Variants in COX19 observed in about 807,000 individuals in gnomAD.
COX19 encodes cytochrome c oxidase assembly factor COX19, also known as cytochrome c oxidase assembly protein COX19.
COX19 carries 8 observed loss-of-function variants against 6.8 expected under a neutral mutation model. The ratio of observed to expected loss-of-function variants is 1.18; its 90% CI spans 0.69 to 2.12. COX19 has a LOEUF of 2.12. Among genes scored for constraint, COX19 ranks in the 30% most tolerant of loss-of-function variants. COX19 has a pLI of 0.00. For missense variants in COX19, 131 were observed against 104.6 expected (o/e 1.25, Z -1.10); for synonymous variants, 51 against 38.0 (o/e 1.34, Z -1.26).
At position 969,098 on chromosome 7, in the gene COX19, G is replaced by A; in HGVS notation, c.*280C>T. ...CAACATAAAACCGCCCCATACAAGA[G>A]GGCCCCGGCCTCGAAGACAAGGGTC... On this transcript the variant is annotated 3_prime_UTR_variant, in exon 3 of 3. Coordinates refer to ENST00000344111, the MANE Select transcript of COX19 (RefSeq NM_001031617.3). 2.7e-6 allele frequency: 1 copy of A among 368,136 alleles called. No individual in the cohort carries two copies. The highest frequency in any genetic ancestry group is 4.8e-5 in the East Asian group (1 of 20,620). 22.8% of individuals were successfully genotyped at this position (368,136 alleles called of 1,614,324 possible).
At position 967,077 on chromosome 7, in the gene COX19, A is replaced by G. The variant is rs1490142616; in HGVS notation, c.*2301T>C. 6.6e-6 allele frequency: 1 copy of G among 152,222 alleles called. No individual in the cohort carries two copies. Among genetic ancestry groups the G allele is most frequent in the Non-Finnish European group, 1.5e-5 (1 of 68,030 alleles). 9.4% of individuals were successfully genotyped at this position (152,222 alleles called of 1,614,324 possible). The stretch of plus-strand genomic sequence containing the variant: ...AGGTGGAAACTCCTGACCTATAAGA[A>G]AAACAGCCAGATGCCGAGGTTGCTA... On this transcript the variant is annotated 3_prime_UTR_variant, in exon 3 of 3. Coordinates refer to ENST00000344111, the MANE Select transcript of COX19 (RefSeq NM_001031617.3).
chr7:970,409 C>T (rs1847618814), intron 2 of COX19, among the ~76,000 whole-genome samples: 1 of 149,748 alleles, frequency 6.7e-6, no homozygotes, highest in Non-Finnish European at 1.5e-5. Flanking sequence ...GCTGGGATTA[C>T]ATGCATGAGC....
Position 968,082 on chromosome 7 carries a change from T to G in COX19, c.*1296A>C, listed in dbSNP as rs1324213109. On this transcript the variant is annotated 3_prime_UTR_variant, in exon 3 of 3. Transcript: ENST00000344111. ...CTGACAGAGAGCAGACACGGGACAG[T>G]GACAGCTGCAGCCGAATCAGGTGGT... The G allele has an allele frequency of 6.6e-6, 1 of 152,238 alleles. No individual in the cohort carries two copies. The highest frequency in any genetic ancestry group is 2.4e-5 in the African/African-American group (1 of 41,436). The allele number at this position is 152,238 out of a possible 1,614,324, so 9.4% of individuals were successfully genotyped here. A position where few individuals can be genotyped will look rare whatever the true frequency, so the allele number is the denominator to read the frequency against.
At position 965,830 on chromosome 7, in the gene COX19, G is replaced by T. The variant is rs942964758; in HGVS notation, c.*3548C>A. The stretch of plus-strand genomic sequence containing the variant: ...ATTTTTGTATTTTTAGTAGAGACAG[G>T]GTTTCTCCATGTTGGCCAGGCTGGC... On this transcript the variant is annotated 3_prime_UTR_variant, in exon 3 of 3. Coordinates refer to ENST00000344111, the MANE Select transcript of COX19 (RefSeq NM_001031617.3). Among the ~76,000 whole-genome samples the T allele has an allele frequency of 6.6e-6, 1 of 152,216 alleles. No homozygotes were observed. Among genetic ancestry groups the T allele is most frequent in the Non-Finnish European group, 1.5e-5 (1 of 68,048 alleles).
chr7:970,109 T>C (rs780926643), intron 2 of COX19, among the ~76,000 whole-genome samples: 1 of 152,116 alleles, frequency 6.6e-6, no homozygotes, highest in Non-Finnish European at 1.5e-5. Flanking sequence ...TAGCTGAGAC[T>C]GCAGGTGTAT....
Position 966,390 on chromosome 7 carries a change from G to T in COX19, c.*2988C>A, listed in dbSNP as rs544084265. On this transcript the variant is annotated 3_prime_UTR_variant, in exon 3 of 3. Coordinates refer to ENST00000344111, the MANE Select transcript of COX19 (RefSeq NM_001031617.3). The stretch of plus-strand genomic sequence containing the variant: ...GCTGGTCTTGAACTCCTAGCCTCAA[G>T]TGATCCTCCCACCTTGGCCTCCTAA... The T allele has an allele frequency of 1.7e-3, 263 of 152,408 alleles. 1 individual carries two copies. Among genetic ancestry groups the T allele is most frequent in the Non-Finnish European group, 3.2e-3 (217 of 68,124 alleles). The allele number at this position is 152,408 out of a possible 1,614,324, so 9.4% of individuals were successfully genotyped here. A position where few individuals can be genotyped will look rare whatever the true frequency, so the allele number is the denominator to read the frequency against.
At chr7:972,401 C>T (rs142921862) in intron 2 of COX19, among the ~76,000 whole-genome samples, 125 of 152,292 alleles carry the variant, frequency 8.2e-4, no homozygotes, top group African/African-American at 2.9e-3. Context: ...GGATTTTTGC[C>T]TTGAGGGAAA....
rs764824177 is a variant in COX19, at chr7:975,497, T to C, written c.13A>G (p.Met5Val). 38 of 1,603,524 alleles carry C rather than the reference T, an allele frequency of 2.4e-5. No individual in the cohort carries two copies. Among genetic ancestry groups the C allele is most frequent in the Non-Finnish European group, 3.0e-5 (35 of 1,176,396 alleles). ...TGGAAGCTCTTGGTCCCGAAATTCA[T>C]GGCGGTCGACATGTTGGCGACTCCG... MSTA[M>V]NFGTKSFQPR... Residue 5 changes from methionine to valine, a missense_variant, in exon 1 of 3, where the codon ATG becomes GTG. Transcript: ENST00000344111.
intron 2 of COX19, chr7:972,599 A>G (rs1317351282): frequency 2.0e-5 from 3 of 152,132 alleles, no homozygotes; most frequent in African/African-American, 7.2e-5. Context: ...TTTTTTGCAT[A>G]AGGGATTAGA....
rs1285250297 is a variant in COX19 at position 975,478 on chromosome 7, C to A, written c.32G>T (p.Ser11Ile). MSTAMNFGTK[S>I]FQPRPPDKGS... The stretch of plus-strand genomic sequence containing the variant: ...CTTGTCCGGGGGCCGCGGCTGGAAG[C>A]TCTTGGTCCCGAAATTCATGGCGGT... The change falls in exon 1 of 3, where the codon AGC (serine) becomes ATC (isoleucine). Residue 11 changes from serine (S) to isoleucine (I), a missense_variant. Transcript: ENST00000344111. The A allele has an allele frequency of 6.2e-7, 1 of 1,602,990 alleles. No individual in the cohort carries two copies. The highest frequency in any genetic ancestry group is 1.7e-5 in the Admixed American group (1 of 59,256).
chr7:969,077 A>G lies in COX19; in HGVS notation c.*301T>C, dbSNP rs903251178. The G allele has an allele frequency of 2.2e-5, 7 of 320,638 alleles. No homozygotes were observed. Among genetic ancestry groups the G allele is most frequent in the African/African-American group, 4.3e-5 (2 of 46,438 alleles). 19.9% of individuals were successfully genotyped at this position (320,638 alleles called of 1,614,324 possible). A position where few individuals can be genotyped will look rare whatever the true frequency, so the allele number is the denominator to read the frequency against. ...TCAGAAAGTATCAGAGGACTGCAAC[A>G]TAAAACCGCCCCATACAAGAGGGCC... On this transcript the variant is annotated 3_prime_UTR_variant, in exon 3 of 3. Coordinates refer to ENST00000344111, the MANE Select transcript of COX19 (RefSeq NM_001031617.3).
chr7:968,485 G>C lies in COX19; in HGVS notation c.*893C>G, dbSNP rs1847590395. On this transcript the variant is annotated 3_prime_UTR_variant, in exon 3 of 3. Coordinates refer to ENST00000344111, the MANE Select transcript of COX19 (RefSeq NM_001031617.3). ...CCGACAGTGCCTGGGAAGGAGACAG[G>C]TCTGGCTGAGGCCCCAGATGTGCAG... The C allele has an allele frequency of 6.6e-6, 1 of 152,340 alleles. No individual in the cohort carries two copies. Among genetic ancestry groups the C allele is most frequent in the Admixed American group, 6.5e-5 (1 of 15,288 alleles). The allele number at this position is 152,340 out of a possible 1,614,324, so 9.4% of individuals were successfully genotyped here.
rs777702459 is a variant in COX19 at position 969,367 on chromosome 7, C to G, written c.*11G>C. 2.4e-5 allele frequency: 37 copies of G among 1,568,842 alleles called. No individual in the cohort carries two copies. Among genetic ancestry groups the G allele is most frequent in the Non-Finnish European group, 3.2e-5 (36 of 1,138,950 alleles). ...CCACTGAACACGGCCCAGGGGTCTT[C>G]TCATCAAAATTCATTTTTTTGCCTC... is the stretch of plus-strand genomic sequence containing the variant. On this transcript the variant is annotated 3_prime_UTR_variant, in exon 3 of 3. Coordinates refer to ENST00000344111, the MANE Select transcript of COX19 (RefSeq NM_001031617.3).
At position 967,720 on chromosome 7, in the gene COX19, G is replaced by A. The variant is rs989267795; in HGVS notation, c.*1658C>T. On this transcript the variant is annotated 3_prime_UTR_variant, in exon 3 of 3. Coordinates refer to ENST00000344111, the MANE Select transcript of COX19 (RefSeq NM_001031617.3). ...TGACAGCCAGAACTCCACCCCCAGG[G>A]GTGCTCGGAGGGGCTCGCGGCCGGC... 2.0e-5 allele frequency: 3 copies of A among 152,348 alleles called. No homozygotes were observed. The highest frequency in any genetic ancestry group is 4.4e-5 in the Non-Finnish European group (3 of 68,114). The allele number at this position is 152,348 out of a possible 1,614,324, so 9.4% of individuals were successfully genotyped here.
At chr7:973,099 A>T (rs1847657096) in intron 2 of COX19, 82 bp downstream of exon 2, 1 of 845,754 alleles carries the variant, frequency 1.2e-6, no homozygotes. Flanking sequence ...TGAAAAAGAC[A>T]CACTGTAATG....
At position 965,653 on chromosome 7, in the gene COX19, A is replaced by C. The variant is rs1007127795; in HGVS notation, c.*3725T>G. Reference sequence around the variant, plus strand: ...GTCACCACTCACTTCATGGCAACTGAGGGTTTTTTTTTGAGACGGTTCTGT... The same window carrying C: ...GTCACCACTCACTTCATGGCAACTGCGGGTTTTTTTTTGAGACGGTTCTGT... On this transcript the variant is annotated 3_prime_UTR_variant, in exon 3 of 3. Coordinates refer to ENST00000344111, the MANE Select transcript of COX19 (RefSeq NM_001031617.3). Among the ~76,000 whole-genome samples, 3 of 151,990 alleles carry C rather than the reference A, an allele frequency of 2.0e-5. No homozygotes were observed. The highest frequency in any genetic ancestry group is 6.6e-5 in the Admixed American group (1 of 15,256).
Position 975,533 on chromosome 7 carries a change from G to A in COX19, c.-24C>T, listed in dbSNP as rs555525058. On this transcript the variant is annotated 5_prime_UTR_variant, in exon 1 of 3. Transcript: ENST00000344111. ...ATGTTGGCGACTCCGGAGTCTGCGA[G>A]CGCCTTGCGAGCGTACGCAGGGCGG... 2.4e-5 allele frequency: 38 copies of A among 1,591,096 alleles called. 1 individual carries two copies. Among genetic ancestry groups the A allele is most frequent in the African/African-American group, 1.7e-4 (12 of 72,332 alleles).
At position 967,475 on chromosome 7, in the gene COX19, T is replaced by C. The variant is rs144685456; in HGVS notation, c.*1903A>G. 1 of 152,360 alleles carries C rather than the reference T, an allele frequency of 6.6e-6. No individual in the cohort carries two copies. Among genetic ancestry groups the C allele is most frequent in the African/African-American group, 2.4e-5 (1 of 41,574 alleles). The allele number at this position is 152,360 out of a possible 1,614,324, so 9.4% of individuals were successfully genotyped here. A position where few individuals can be genotyped will look rare whatever the true frequency, so the allele number is the denominator to read the frequency against. ...TAGAGTACAGTATCTTTCCTGTCTTTCCCACCTTTGGTCGACGGTCTTCCC... is the reference window on the plus strand; with the variant it reads ...TAGAGTACAGTATCTTTCCTGTCTTCCCCACCTTTGGTCGACGGTCTTCCC... On this transcript the variant is annotated 3_prime_UTR_variant, in exon 3 of 3. Coordinates refer to ENST00000344111, the MANE Select transcript of COX19 (RefSeq NM_001031617.3).
chr7:969,515 T>C, intron 2 of COX19, 59 bp from the exon 3 acceptor site: 1 of 1,080,030 alleles, frequency 9.3e-7, no homozygotes, highest in Non-Finnish European at 1.4e-6. Context: ...AGAGGGGCCC[T>C]TGCAGGCCCC....
Sources: allele counts gnomAD v4.1 joint callset (sites outside exome capture counted in the v4.1 genomes callset), GRCh38; gene constraint gnomAD v4.1.1; transcripts MANE v1.5; gene names NCBI Gene and HGNC (gene_info 2026-07-23, HGNC 2026-07-21).